ARMC2: variants seen among roughly 807,000 people sequenced by gnomAD.
ARMC2 encodes the protein armadillo repeat containing 2, also known as armadillo repeat-containing protein 2.
ARMC2 carries 67 observed loss-of-function variants against 90.3 expected under a neutral mutation model. The observed-to-expected ratio is 0.74, with a 90% CI of 0.61 to 0.91. The LOEUF (loss-of-function observed/expected upper bound fraction) is 0.91, where lower values mean the gene tolerates loss of function less well. Among genes scored for constraint, ARMC2 ranks in the 40% least tolerant of loss-of-function variants. The probability of loss-of-function intolerance (pLI) is 0.00; values close to 1 mark genes in which losing one functional copy is unlikely to be tolerated. For synonymous variants in ARMC2, 393 were observed against 393.0 expected (o/e 1.00, Z 0.00); for missense variants, 920 against 1,030.9 (o/e 0.89, Z 1.47).
the ARMC2 span, chr6:109,009,590 C>A: frequency 9.4e-7 from 1 of 1,061,150 alleles, no homozygotes; most frequent in Non-Finnish European, 1.1e-6. Context: ...ACAAGCCGCG[C>A]GGCCCCGCCC....
At chr6:109,005,596 T>G in the ARMC2 span, among the ~76,000 whole-genome samples, 3,824 of 152,314 alleles carry the variant, frequency 0.025, 159 homozygotes, top group African/African-American at 0.085. Flanking sequence ...CTATGAATGC[T>G]TGAGAAACAG....
the ARMC2 span, among the ~76,000 whole-genome samples, chr6:109,047,006 C>T: frequency 0.016 from 932 of 59,522 alleles, 28 homozygotes; most frequent in Non-Finnish European, 0.025. Flanking sequence ...GGGGTCAGCC[C>T]CCTGCCCGGC....
At chr6:108,962,257 G>A in intron 15 of ARMC2, 130 bp downstream of exon 15, 1 of 782,516 alleles carries the variant, frequency 1.3e-6, no homozygotes, top group East Asian at 2.8e-5. Flanking sequence ...TCGTGTTTAA[G>A]GCTCCTGGCT....
At chr6:108,963,633 C>T (rs1162806285) in intron 15 of ARMC2, among the ~76,000 whole-genome samples, 5 of 152,186 alleles carry the variant, frequency 3.3e-5, no homozygotes, top group African/African-American at 9.7e-5. Flanking sequence ...GTTCCATTTC[C>T]TAGGAGTAAG....
chr6:108,879,270 AC>A (rs890922731), intron 5 of ARMC2, among the ~76,000 whole-genome samples: 2 of 150,078 alleles, frequency 1.3e-5, no homozygotes, highest in Non-Finnish European at 3.0e-5. Context: ...CCACCTGTCT[AC>A]CCATCCATTC....
chr6:108,925,479 A>C (rs1400247305), intron 10 of ARMC2, among the ~76,000 whole-genome samples: 1 of 152,246 alleles, frequency 6.6e-6, no homozygotes, highest in Non-Finnish European at 1.5e-5. Flanking sequence ...GAGTAGACAG[A>C]TAGTAAACCA....
Position 108,931,311 on chromosome 6 carries a change from T to G in ARMC2, c.1496+3078T>G, listed in dbSNP as rs560252465. On this transcript the variant is annotated intron_variant, in intron 11 of 17. Transcript: ENST00000392644. ...GTGTATAGGTACCACATTTTCTTTA[T>G]CCAATCTGTCAATGATGGGCACTTA... Among the ~76,000 whole-genome samples, 7 of 152,080 alleles carry G rather than the reference T, an allele frequency of 4.6e-5. No homozygotes were observed. The South Asian group carries it at 1.4e-3, about 31-fold the overall frequency.
the ARMC2 span, chr6:108,998,500 AAAT>A: frequency 6.2e-7 from 1 of 1,613,316 alleles, no homozygotes; most frequent in Non-Finnish European, 8.5e-7. Flanking sequence ...ATCTCATGAC[AAAT>A]AATACTTACA....
At chr6:108,863,959 G>A (rs1193543387) in intron 3 of ARMC2, among the ~76,000 whole-genome samples, 3 of 152,188 alleles carry the variant, frequency 2.0e-5, no homozygotes, top group Non-Finnish European at 4.4e-5. Context: ...ACATAACTGA[G>A]CTCCAGGTAA....
At chr6:108,930,223 T>C (rs546009347) in intron 11 of ARMC2, among the ~76,000 whole-genome samples, 2 of 152,200 alleles carry the variant, frequency 1.3e-5, no homozygotes, top group Non-Finnish European at 2.9e-5. Context: ...TATTTACTTA[T>C]TTATTTATGT....
the ARMC2 span, among the ~76,000 whole-genome samples, chr6:109,027,476 CAAAAAAAAAAAA>C: frequency 3.7e-5 from 1 of 27,326 alleles, no homozygotes; most frequent in Non-Finnish European, 7.7e-5. Flanking sequence ...GACTCTGTCT[CAAAAAAAAAAAA>C]AAAAAAAAAA....
At chr6:108,993,081 AT>A in the ARMC2 span, 1 of 524,678 alleles carries the variant, frequency 1.9e-6, no homozygotes, top group African/African-American at 1.9e-5. Context: ...GTAAAAGGAG[AT>A]TTTCTGTTAT....
intron 17 of ARMC2, among the ~76,000 whole-genome samples, chr6:108,966,713 A>G (rs929747651): frequency 1.1e-4 from 16 of 152,168 alleles, no homozygotes; most frequent in African/African-American, 3.6e-4. Context: ...GTGCATGTTC[A>G]GGTTGCCTTA....
rs887331294 is a variant in ARMC2 at position 108,890,573 on chromosome 6, A to G, written c.672-3894A>G. 1.3e-4 allele frequency among the ~76,000 whole-genome samples: 20 copies of G among 152,158 alleles called. No individual in the cohort carries two copies. The East Asian group carries it at 3.9e-3, about 29-fold the overall frequency. ...GCTCCCCATCTCTATTTAAAAAAAA[A>G]AATTAATGATGAGGAAACCAAAGCT... On this transcript the variant is annotated intron_variant, in intron 5 of 17. Transcript: ENST00000392644.
intron 3 of ARMC2, among the ~76,000 whole-genome samples, chr6:108,868,104 C>A (rs954403662): frequency 1.3e-5 from 2 of 151,636 alleles, no homozygotes; most frequent in African/African-American, 4.9e-5. Context: ...ACTTACATTC[C>A]ACATAATTCT....
chr6:108,962,026 T>C lies in ARMC2; in HGVS notation c.2051T>C (p.Leu684Pro). The part of the protein sequence containing the change: ...KLYIAELLLK[L>P]LVSNNMDGIL... ...TCGCCAAATCCAGTGCTCTTAAAGC[T>C]TCTTGTCAGTAACAACATGGATGGA... The change falls in exon 15 of 18, where the codon CTT becomes CCT. Residue 684 changes from leucine to proline, a missense_variant. Coordinates refer to ENST00000392644, the MANE Select transcript of ARMC2 (RefSeq NM_032131.6). The C allele has an allele frequency of 6.2e-7, 1 of 1,611,292 alleles. No individual in the cohort carries two copies. Among genetic ancestry groups the C allele is most frequent in the East Asian group, 2.2e-5 (1 of 44,866 alleles).
At chr6:109,046,412 T>A in the ARMC2 span, among the ~76,000 whole-genome samples, 1 of 151,212 alleles carries the variant, frequency 6.6e-6, no homozygotes, top group Non-Finnish European at 1.5e-5. Context: ...TGGAGTGCAG[T>A]GGCATGATCT....
chr6:108,907,650 A>G, intron 8 of ARMC2: 2 of 1,597,326 alleles, frequency 1.3e-6, no homozygotes, highest in Non-Finnish European at 1.7e-6. Flanking sequence ...AGATGCTTGT[A>G]GGAAAAGGAG....
At chr6:108,902,848 A>AT (rs567436085) in intron 7 of ARMC2, among the ~76,000 whole-genome samples, 24 of 152,066 alleles carry the variant, frequency 1.6e-4, no homozygotes, top group Non-Finnish European at 3.2e-4. Context: ...CTCATGTTCC[A>AT]TTTTTTTGTG....
Sources: gnomAD v4.1 joint callset for allele counts (sites outside exome capture counted in the v4.1 genomes callset) on GRCh38, gnomAD v4.1.1 for gene constraint, MANE v1.5 for transcripts, NCBI Gene and HGNC (gene_info 2026-07-23, HGNC 2026-07-21) for gene names.